Variants in ZFHX3 observed in about 807,000 individuals in gnomAD.
ZFHX3 encodes zinc finger homeobox protein 3.
In ZFHX3, 42 loss-of-function variants were observed where a neutral mutation model predicts 279.1. The observed-to-expected ratio is 0.15, with a 90% confidence interval of 0.12 to 0.19. ZFHX3 has a LOEUF of 0.19. ZFHX3 is among the 10% of genes least tolerant of loss of function. The pLI is 1.00. For missense variants in ZFHX3, 4,981 were observed against 4,754.0 expected, an observed-to-expected ratio of 1.05 and a Z score of -1.40; for synonymous variants, 2,293 against 1,957.8, an observed-to-expected ratio of 1.17 and a Z score of -4.52.
At chr16:73,010,816 T>C (rs961247712) in intron 1 of ZFHX3, among the ~76,000 whole-genome samples, 2 of 152,182 alleles carry the variant, frequency 1.3e-5, no homozygotes, top group African/African-American at 4.8e-5. Flanking sequence ...TTTTATTTTT[T>C]TACACAGAGA....
chr16:73,430,434 C>T (rs1050572076), intron 3 of ZFHX3, among the ~76,000 whole-genome samples: 2 of 152,200 alleles, frequency 1.3e-5, no homozygotes, highest in African/African-American at 4.8e-5. Flanking sequence ...ACACCACACC[C>T]ACCTTACATT....
At chr16:73,565,147 G>A (rs549451000) in intron 2 of ZFHX3, among the ~76,000 whole-genome samples, 18 of 152,114 alleles carry the variant, frequency 1.2e-4, no homozygotes, top group African/African-American at 3.4e-4. Context: ...CCAGCTATTC[G>A]GGAGGCTGAG....
At chr16:73,482,427 C>G (rs1046191539) in intron 2 of ZFHX3, among the ~76,000 whole-genome samples, 3 of 152,160 alleles carry the variant, frequency 2.0e-5, no homozygotes, top group Admixed American at 6.5e-5. Flanking sequence ...CTTCACATCC[C>G]TTCTTTTGCA....
At chr16:73,028,010 C>G (rs1964571817) in intron 1 of ZFHX3, among the ~76,000 whole-genome samples, 2 of 152,130 alleles carry the variant, frequency 1.3e-5, no homozygotes, top group Non-Finnish European at 2.9e-5. Context: ...TCAAGGGGAG[C>G]CAGCACCCAC....
chr16:73,086,225 A>C (rs540079096), intron 8 of ZFHX3, among the ~76,000 whole-genome samples: 1 of 152,350 alleles, frequency 6.6e-6, no homozygotes, highest in African/African-American at 2.4e-5. Context: ...AATGCTGGTA[A>C]AGTTGCAGAA....
At chr16:73,723,320 G>A (rs576378383) in intron 1 of ZFHX3, among the ~76,000 whole-genome samples, 4 of 152,184 alleles carry the variant, frequency 2.6e-5, no homozygotes, top group Non-Finnish European at 5.9e-5. Context: ...TCAGAAGGTA[G>A]ATTCTTCAGC....
intron 2 of ZFHX3, among the ~76,000 whole-genome samples, chr16:73,532,144 C>T (rs181179976): frequency 1.7e-3 from 254 of 152,010 alleles, no homozygotes; most frequent in Middle Eastern, 6.8e-3. Context: ...GTAGTTGATA[C>T]GGTTTGTCTG....
intron 3 of ZFHX3, among the ~76,000 whole-genome samples, chr16:73,440,870 TTAG>T (rs745839149): frequency 6.6e-6 from 1 of 152,222 alleles, no homozygotes; most frequent in South Asian, 2.1e-4. Context: ...TGCTCTCATA[TTAG>T]TAGATTAAAA....
At chr16:73,284,991 C>CCAG (rs1241644502) in intron 4 of ZFHX3, among the ~76,000 whole-genome samples, 1 of 152,210 alleles carries the variant, frequency 6.6e-6, no homozygotes, top group Non-Finnish European at 1.5e-5. Flanking sequence ...CAGGCCTGCA[C>CCAG]CAGCACGCCT....
chr16:72,952,036 A>G (rs557284292), intron 2 of ZFHX3, among the ~76,000 whole-genome samples: 5 of 152,300 alleles, frequency 3.3e-5, no homozygotes, highest in Non-Finnish European at 7.4e-5. Flanking sequence ...AGATCACCTG[A>G]GCTTAGGAGC....
In ZFHX3 at chr16:73,709,786, C is replaced by T. The variant is rs369431729; in HGVS notation, c.-1607-29546G>A. Among the ~76,000 whole-genome samples, 35 of 151,852 alleles carry T rather than the reference C, an allele frequency of 2.3e-4. No individual in the cohort carries two copies. In the East Asian group the frequency reaches 3.9e-3, roughly 17 times the overall value. On this transcript the variant is annotated intron_variant, in intron 1 of 17. Transcript: ENST00000641206. ...CGATTTTAAATGTTCTCACCCCACA[C>T]GAAAAAATGGTAAGTATGTAAAATA...
At chr16:72,988,809 C>T (rs1962951897) in intron 1 of ZFHX3, among the ~76,000 whole-genome samples, 1 of 152,196 alleles carries the variant, frequency 6.6e-6, no homozygotes, top group Non-Finnish European at 1.5e-5. Context: ...CATCTTTATT[C>T]TTCACTGATA....
At chr16:73,035,895 C>A (rs766864500) in intron 1 of ZFHX3, among the ~76,000 whole-genome samples, 4 of 152,152 alleles carry the variant, frequency 2.6e-5, no homozygotes, top group Non-Finnish European at 4.4e-5. Flanking sequence ...CAGAGTGAGA[C>A]CCTGTCTCAA....
intron 7 of ZFHX3, among the ~76,000 whole-genome samples, chr16:73,108,532 G>GT (rs1966332840): frequency 6.6e-6 from 1 of 152,040 alleles, no homozygotes; most frequent in South Asian, 2.1e-4. Context: ...ACCTCACAAA[G>GT]TGCTGGGATT....
At chr16:73,144,016 A>G (rs2144837788) in intron 5 of ZFHX3, among the ~76,000 whole-genome samples, 1 of 152,326 alleles carries the variant, frequency 6.6e-6, no homozygotes, top group South Asian at 2.1e-4. Context: ...CAAATGACAC[A>G]GTTCCCTGTA....
rs886598051 is a variant in ZFHX3, at chr16:73,846,638, G to C, written c.-1608+45013C>G. 3.3e-5 allele frequency among the ~76,000 whole-genome samples: 5 copies of C among 152,292 alleles called. No homozygotes were observed. The East Asian group carries it at 9.7e-4, about 29-fold the overall frequency. On this transcript the variant is annotated intron_variant, in intron 1 of 17. Transcript: ENST00000641206. ...CAGGCCTCAGATGCCTCTGCAGTAA[G>C]CCAAATGTCTCGGCGCCCCCTTGCT...
At chr16:73,650,736 T>C (rs2052662681) in intron 2 of ZFHX3, among the ~76,000 whole-genome samples, 1 of 152,128 alleles carries the variant, frequency 6.6e-6, no homozygotes, top group Non-Finnish European at 1.5e-5. Context: ...CAATTTAGGG[T>C]GGTCTTGAAG....
chr16:72,962,231 C>A (rs921470459), intron 1 of ZFHX3, among the ~76,000 whole-genome samples: 3 of 152,260 alleles, frequency 2.0e-5, no homozygotes, highest in African/African-American at 7.2e-5. Flanking sequence ...ATCTCCTCTC[C>A]AGCCTGGGCT....
At chr16:73,664,423 C>T (rs930389541) in intron 2 of ZFHX3, among the ~76,000 whole-genome samples, 7 of 152,216 alleles carry the variant, frequency 4.6e-5, no homozygotes, top group African/African-American at 1.7e-4. Context: ...ATATGCAGTA[C>T]ATATATTCGT....
Sources: gnomAD v4.1 joint callset for allele counts (sites outside exome capture counted in the v4.1 genomes callset) on GRCh38, gnomAD v4.1.1 for gene constraint, MANE v1.5 for transcripts, NCBI Gene and HGNC (gene_info 2026-07-23, HGNC 2026-07-21) for gene names.